The following BCL7B variants were observed in gnomAD, a reference collection of about 807,000 sequenced individuals.
BCL7B encodes B-cell CLL/lymphoma 7 protein family member B.
BCL7B carries 11 observed loss-of-function variants against 26.5 expected under a neutral mutation model. The observed-to-expected ratio is 0.42, with a 90% CI of 0.26 to 0.69. BCL7B has a LOEUF of 0.69. Ranked by LOEUF, BCL7B falls within the 30% of genes least tolerant of loss-of-function variation. The pLI is 0.28. For synonymous variants in BCL7B, 111 were observed against 107.9 expected, an observed-to-expected ratio of 1.03 and a Z score of -0.18; for missense variants, 215 against 264.4, an observed-to-expected ratio of 0.81 and a Z score of 1.30.
intron 1 of BCL7B, 155 bp downstream of exon 1, chr7:73,557,332 C>T: frequency 9.3e-6 from 11 of 1,176,914 alleles, no homozygotes; most frequent in Non-Finnish European, 8.4e-6. Flanking sequence ...CGCCCTCTGA[C>T]CTCACGCCGA....
intron 4 of BCL7B, among the ~76,000 whole-genome samples, chr7:73,539,314 T>G (rs546559355): frequency 6.6e-6 from 1 of 150,718 alleles, no homozygotes; most frequent in East Asian, 2.0e-4. Flanking sequence ...TACACTGGTG[T>G]GATCTCAGCT....
intron 3 of BCL7B, chr7:73,542,701 G>A (rs1219849991): frequency 1.5e-5 from 3 of 195,528 alleles, no homozygotes; most frequent in Admixed American, 5.3e-5. Context: ...ATGATCCGGC[G>A]GGATTGGTTT....
chr7:73,540,829 C>CAAAAAAAA (rs56111929), intron 3 of BCL7B, among the ~76,000 whole-genome samples: 11 of 50,940 alleles, frequency 2.2e-4, no homozygotes, highest in African/African-American at 3.2e-4. Flanking sequence ...GACTCTGTCT[C>CAAAAAAAA]AAAAAAAAAA....
At position 73,537,925 on chromosome 7, in the gene BCL7B, A is replaced by G. The variant is rs1461613045; in HGVS notation, c.516+9T>C. ...ACAAAAAACTGGAAAACTCAAAGTG[A>G]TTGCTTACCTGTGTCTCTAGTGGAA... is the stretch of plus-strand genomic sequence containing the variant. On this transcript the variant is annotated intron_variant, in intron 5 of 5. Transcript: ENST00000223368. The G allele has an allele frequency of 1.3e-6, 2 of 1,569,322 alleles. No individual in the cohort carries two copies. Among genetic ancestry groups the G allele is most frequent in the Non-Finnish European group, 1.7e-6 (2 of 1,161,146 alleles).
chr7:73,540,963 A>G (rs1020671265), intron 3 of BCL7B, among the ~76,000 whole-genome samples: 2 of 151,722 alleles, frequency 1.3e-5, no homozygotes, highest in South Asian at 4.2e-4. Context: ...CCTGGCCAAC[A>G]TGGTGAAACC....
chr7:73,544,983 T>C (rs1791901791), intron 2 of BCL7B, among the ~76,000 whole-genome samples: 1 of 151,648 alleles, frequency 6.6e-6, no homozygotes, highest in Admixed American at 6.6e-5. Flanking sequence ...CGCTTGAGCC[T>C]GAAAGTTTGA....
intron 1 of BCL7B, among the ~76,000 whole-genome samples, chr7:73,553,122 G>T (rs1188404540): frequency 1.3e-5 from 2 of 149,048 alleles, no homozygotes. Context: ...TTGGGGTGGT[G>T]GGGTGGGGGT....
At position 73,537,326 on chromosome 7, in the gene BCL7B, G is replaced by A. The variant is rs1554582255; in HGVS notation, c.581C>T (p.Thr194Ile). The change falls in exon 6 of 6, where the codon ACA (threonine) becomes ATA (isoleucine). Residue 194 changes from threonine to isoleucine, a missense_variant. By Grantham distance (89) the Thr-to-Ile change is moderately conservative (BLOSUM62 -1). Transcript: ENST00000223368. ...GCTTTCTGACGCCGTCTGCGGCACT[G>A]TGGGTTGGTCCACACAGAAGCGCTT... ...PLKRFCVDQP[T>I]VPQTASES 2.5e-6 allele frequency: 4 copies of A among 1,614,042 alleles called. No individual in the cohort carries two copies. Among genetic ancestry groups the A allele is most frequent in the African/African-American group, 1.3e-5 (1 of 74,930 alleles).
intron 3 of BCL7B, among the ~76,000 whole-genome samples, chr7:73,542,536 C>T (rs1791805016): frequency 6.6e-6 from 1 of 152,162 alleles, no homozygotes; most frequent in Non-Finnish European, 1.5e-5. Flanking sequence ...AACACTGTTC[C>T]TCCCTGAGCA....
Position 73,537,313 on chromosome 7 carries a change from C to A in BCL7B, c.594G>T (p.Thr198=), listed in dbSNP as rs782191578. The A allele has an allele frequency of 6.2e-7, 1 of 1,614,054 alleles. No individual in the cohort carries two copies. The highest frequency in any genetic ancestry group is 1.1e-5 in the South Asian group (1 of 91,080). ...CGGGATGGTGCTAGCTTTCTGACGC[C>A]GTCTGCGGCACTGTGGGTTGGTCCA... The part of the protein sequence containing the change: ...FCVDQPTVPQ[T]ASES The change falls in exon 6 of 6, where the codon ACG becomes ACT. Residue 198 remains threonine, a synonymous_variant. Coordinates refer to ENST00000223368, the MANE Select transcript of BCL7B (RefSeq NM_001707.4).
At chr7:73,554,730 G>A (rs1792298232) in intron 1 of BCL7B, among the ~76,000 whole-genome samples, 2 of 150,946 alleles carry the variant, frequency 1.3e-5, no homozygotes, top group South Asian at 4.2e-4. Context: ...CCCCAGAGGC[G>A]GACACTGCAG....
intron 5 of BCL7B, among the ~76,000 whole-genome samples, chr7:73,537,618 T>C (rs1791590862): frequency 6.6e-6 from 1 of 152,180 alleles, no homozygotes; most frequent in Admixed American, 6.6e-5. Flanking sequence ...CCGGGCACAG[T>C]GGCTCACACC....
intron 2 of BCL7B, among the ~76,000 whole-genome samples, chr7:73,544,540 C>T (rs954883377): frequency 2.6e-5 from 4 of 152,070 alleles, no homozygotes; most frequent in African/African-American, 4.8e-5. Flanking sequence ...ACAGGAGAAT[C>T]GCTTGAACCT....
rs193023926 is a variant in BCL7B at position 73,540,869 on chromosome 7, G to A, written c.266-817C>T. 9.0e-4 allele frequency among the ~76,000 whole-genome samples: 112 copies of A among 123,958 alleles called. 3 individuals carry two copies. The highest frequency in any genetic ancestry group is 2.9e-3 in the African/African-American group (96 of 32,694). 81.3% of individuals were successfully genotyped at this position (123,958 alleles called of 152,430 possible). On this transcript the variant is annotated intron_variant, in intron 3 of 5. Coordinates refer to ENST00000223368, the MANE Select transcript of BCL7B (RefSeq NM_001707.4). Reference sequence around the variant, plus strand: ...AAAAAAAAAAAAGAGTTACCAGGCCGAGTGCAGTGGCTCACGCCTGTAATC... The same window carrying A: ...AAAAAAAAAAAAGAGTTACCAGGCCAAGTGCAGTGGCTCACGCCTGTAATC...
rs782349367 is a variant in BCL7B, at chr7:73,539,864, C to T, written c.436+18G>A. 3.7e-6 allele frequency: 6 copies of T among 1,608,094 alleles called. No individual in the cohort carries two copies. The highest frequency in any genetic ancestry group is 5.1e-6 in the Non-Finnish European group (6 of 1,177,408). ...AAGGCCCTTCTAGGAAACTCATCCT[C>T]GGCCAACCACGACTCACCCTCCAGG... On this transcript the variant is annotated intron_variant, in intron 4 of 5. Coordinates refer to ENST00000223368, the MANE Select transcript of BCL7B (RefSeq NM_001707.4).
chr7:73,548,714 T>A (rs1554583738), intron 2 of BCL7B, among the ~76,000 whole-genome samples: 2 of 152,198 alleles, frequency 1.3e-5, no homozygotes. Flanking sequence ...GCGGATCACC[T>A]GAGATCGGGA....
intron 2 of BCL7B, among the ~76,000 whole-genome samples, chr7:73,551,527 C>T (rs1247110962): frequency 6.6e-6 from 1 of 151,980 alleles, no homozygotes; most frequent in Non-Finnish European, 1.5e-5. Flanking sequence ...TGGTCTCGAA[C>T]TCCCGACCTC....
chr7:73,539,363 T>G (rs1554582540), intron 4 of BCL7B, among the ~76,000 whole-genome samples: 1 of 152,172 alleles, frequency 6.6e-6, no homozygotes. Context: ...GTGATTCTTC[T>G]GCCTCAGCCT....
At chr7:73,549,628 A>C (rs1224354691) in intron 2 of BCL7B, among the ~76,000 whole-genome samples, 1 of 152,188 alleles carries the variant, frequency 6.6e-6, no homozygotes, top group Non-Finnish European at 1.5e-5. Flanking sequence ...GCCTAGGTTG[A>C]CATAGCAAAC....
Sources: allele counts gnomAD v4.1 joint callset (sites outside exome capture counted in the v4.1 genomes callset), GRCh38; gene constraint gnomAD v4.1.1; transcripts MANE v1.5; gene names NCBI Gene and HGNC (gene_info 2026-07-23, HGNC 2026-07-21).